Variants in GPC5 observed in about 807,000 individuals in gnomAD.
GPC5 encodes glypican 5.
GPC5 carries 47 observed loss-of-function variants against 53.9 expected under a neutral mutation model. The ratio of observed to expected loss-of-function variants is 0.87; its 90% CI spans 0.69 to 1.11. The LOEUF is 1.11. Among genes scored for constraint, GPC5 ranks in the 50% most tolerant of loss-of-function variants. The pLI, the probability that GPC5 is intolerant of heterozygous loss-of-function variation, is 0.00. For missense variants in GPC5, 748 were observed against 713.1 expected (o/e 1.05, Z -0.56); for synonymous variants, 286 against 263.3 (o/e 1.09, Z -0.84).
chr13:91,597,083 G>A (rs2033021779), intron 2 of GPC5, among the ~76,000 whole-genome samples: 1 of 152,164 alleles, frequency 6.6e-6, no homozygotes. Context: ...TCTCAAAGCA[G>A]TAAACTTGGG....
chr13:92,149,433 G>T (rs1320666565), intron 7 of GPC5, among the ~76,000 whole-genome samples: 1 of 151,966 alleles, frequency 6.6e-6, no homozygotes, highest in African/African-American at 2.4e-5. Context: ...ATAATACATT[G>T]CAATATTAAA....
intron 7 of GPC5, among the ~76,000 whole-genome samples, chr13:92,611,514 G>A (rs1317723264): frequency 6.6e-6 from 1 of 152,134 alleles, no homozygotes; most frequent in Non-Finnish European, 1.5e-5. Context: ...TTTCTCTGAT[G>A]AAAATTCACC....
At chr13:92,179,411 A>G (rs1319932282) in intron 7 of GPC5, among the ~76,000 whole-genome samples, 2 of 152,204 alleles carry the variant, frequency 1.3e-5, no homozygotes, top group Non-Finnish European at 2.9e-5. Flanking sequence ...CAAGATATTT[A>G]CATAGTCTGA....
chr13:92,845,658 A>G (rs1878588238), intron 7 of GPC5, among the ~76,000 whole-genome samples: 1 of 152,154 alleles, frequency 6.6e-6, no homozygotes, highest in Admixed American at 6.5e-5. Flanking sequence ...TTTTTGACCA[A>G]ATATCTGGGT....
At chr13:92,512,960 A>G (rs1199198050) in intron 7 of GPC5, among the ~76,000 whole-genome samples, 1 of 152,146 alleles carries the variant, frequency 6.6e-6, no homozygotes, top group African/African-American at 2.4e-5. Flanking sequence ...ACGTGATGCG[A>G]TGTTGTCACA....
intron 6 of GPC5, among the ~76,000 whole-genome samples, chr13:92,115,937 A>G (rs1418072855): frequency 6.6e-6 from 1 of 152,004 alleles, no homozygotes; most frequent in Non-Finnish European, 1.5e-5. Flanking sequence ...CCCTAATCCT[A>G]TATGTCTTGT....
At chr13:91,810,745 C>T (rs1387149636) in intron 5 of GPC5, among the ~76,000 whole-genome samples, 3 of 151,928 alleles carry the variant, frequency 2.0e-5, no homozygotes, top group Admixed American at 2.0e-4. Flanking sequence ...TAAATCATTA[C>T]TTTAGTTGTA....
At chr13:92,020,062 C>T (rs946212659) in intron 6 of GPC5, among the ~76,000 whole-genome samples, 2 of 152,078 alleles carry the variant, frequency 1.3e-5, no homozygotes, top group African/African-American at 4.8e-5. Context: ...CTAGAGACCA[C>T]TCATATTCCT....
intron 2 of GPC5, among the ~76,000 whole-genome samples, chr13:91,456,134 A>G (rs995334366): frequency 6.6e-6 from 1 of 152,100 alleles, no homozygotes; most frequent in Non-Finnish European, 1.5e-5. Context: ...ATATAAGCAG[A>G]GAAATATTAA....
chr13:92,078,786 G>T (rs6492580), intron 6 of GPC5, among the ~76,000 whole-genome samples: 2,185 of 152,238 alleles, frequency 0.014, 53 homozygotes, highest in African/African-American at 0.05. Context: ...GGAGGGGTTA[G>T]CATTCACCTC....
intron 2 of GPC5, among the ~76,000 whole-genome samples, chr13:91,645,926 A>G (rs1214184172): frequency 6.6e-6 from 1 of 152,246 alleles, no homozygotes. Context: ...GCACTGATGC[A>G]GACCAAGATT....
intron 3 of GPC5, among the ~76,000 whole-genome samples, chr13:91,720,456 A>G (rs1176173651): frequency 6.6e-6 from 1 of 152,120 alleles, no homozygotes; most frequent in African/African-American, 2.4e-5. Context: ...CACTCTTCTG[A>G]GATTGCCTTA....
At chr13:92,078,637 ATC>A (rs1158315935) in intron 6 of GPC5, among the ~76,000 whole-genome samples, 4 of 151,920 alleles carry the variant, frequency 2.6e-5, no homozygotes, top group South Asian at 2.1e-4. Flanking sequence ...TTGCTCCAAT[ATC>A]TCTCTTTTAT....
At chr13:92,279,577 T>C (rs2042899338) in intron 7 of GPC5, among the ~76,000 whole-genome samples, 1 of 152,080 alleles carries the variant, frequency 6.6e-6, no homozygotes, top group Admixed American at 6.6e-5. Flanking sequence ...AGCAAAGCTT[T>C]CAGTCCTTCA....
chr13:91,683,639 T>C (rs2035557780), intron 2 of GPC5, among the ~76,000 whole-genome samples: 1 of 152,210 alleles, frequency 6.6e-6, no homozygotes, highest in Non-Finnish European at 1.5e-5. Context: ...TGACTTCACT[T>C]GACATTATTC....
intron 2 of GPC5, among the ~76,000 whole-genome samples, chr13:91,653,681 CT>C (rs961732596): frequency 5.3e-5 from 8 of 152,220 alleles, no homozygotes; most frequent in African/African-American, 1.9e-4. Flanking sequence ...TAGCTTCCCC[CT>C]CTTTCTCCCT....
At chr13:92,283,989 C>T (rs534683669) in intron 7 of GPC5, among the ~76,000 whole-genome samples, 7 of 152,034 alleles carry the variant, frequency 4.6e-5, no homozygotes, top group East Asian at 3.9e-4. Context: ...ATTGATAGAC[C>T]GCTAGCAAGA....
At chr13:92,355,380 G>A (rs928399031) in intron 7 of GPC5, among the ~76,000 whole-genome samples, 1 of 151,942 alleles carries the variant, frequency 6.6e-6, no homozygotes, top group Non-Finnish European at 1.5e-5. Flanking sequence ...TAAGGACACT[G>A]CTCCCCCTGC....
intron 7 of GPC5, among the ~76,000 whole-genome samples, chr13:92,560,196 T>G (rs529277063): frequency 2.0e-5 from 3 of 152,030 alleles, no homozygotes; most frequent in South Asian, 2.1e-4. Flanking sequence ...ATAAAATCTA[T>G]TAGTAAATGT....
Sources: gnomAD v4.1 joint callset for allele counts (sites outside exome capture counted in the v4.1 genomes callset) on GRCh38, gnomAD v4.1.1 for gene constraint, MANE v1.5 for transcripts, NCBI Gene and HGNC (gene_info 2026-07-23, HGNC 2026-07-21) for gene names.